The following ESR1 variants were observed in gnomAD, a reference collection of about 807,000 sequenced individuals.
ESR1 encodes the protein estrogen receptor 1.
In ESR1, 12 loss-of-function variants were observed where a neutral mutation model predicts 52.7. That is an observed-to-expected ratio of 0.23 (90% CI 0.15 to 0.37). The LOEUF (loss-of-function observed/expected upper bound fraction) is 0.37, where lower values mean the gene tolerates loss of function less well. ESR1 is among the 10% of genes least tolerant of loss of function. The pLI, the probability that ESR1 is intolerant of heterozygous loss-of-function variation, is 1.00. For missense variants in ESR1, 584 were observed against 779.7 expected (o/e 0.75, Z 2.99); for synonymous variants, 305 against 316.8 (o/e 0.96, Z 0.39).
intron 4 of ESR1, among the ~76,000 whole-genome samples, chr6:152,006,533 G>C (rs1042477435): frequency 6.6e-6 from 1 of 152,022 alleles, no homozygotes; most frequent in Non-Finnish European, 1.5e-5. Flanking sequence ...CAGGAGTCTA[G>C]TTCTTCTGAT....
At chr6:151,865,907 A>C (rs1331868844) in intron 2 of ESR1, among the ~76,000 whole-genome samples, 1 of 152,098 alleles carries the variant, frequency 6.6e-6, no homozygotes. Context: ...GAAGCCAAAC[A>C]CCCTTGAGAA....
chr6:151,743,803 G>A (rs1471989960), intron 2 of ESR1, among the ~76,000 whole-genome samples: 3 of 152,114 alleles, frequency 2.0e-5, no homozygotes, highest in Non-Finnish European at 2.9e-5. Context: ...CATCTAAAAT[G>A]TACAGTCTGG....
intron 1 of ESR1, among the ~76,000 whole-genome samples, chr6:151,835,626 C>T (rs1424708002): frequency 6.6e-6 from 1 of 152,068 alleles, no homozygotes; most frequent in Non-Finnish European, 1.5e-5. Flanking sequence ...CTTGATTTTC[C>T]AGGAGAGATG....
intron 1 of ESR1, among the ~76,000 whole-genome samples, chr6:151,813,773 T>G (rs1409435847): frequency 6.6e-6 from 1 of 152,210 alleles, no homozygotes; most frequent in Non-Finnish European, 1.5e-5. Context: ...TAATGTTCTA[T>G]TTTTTGGAGA....
At chr6:151,809,533 G>A (rs1360492233) in intron 1 of ESR1, among the ~76,000 whole-genome samples, 1 of 152,190 alleles carries the variant, frequency 6.6e-6, no homozygotes, top group Admixed American at 6.5e-5. Context: ...ACTGTACACT[G>A]GTATCCGGAC....
chr6:151,838,302 A>G (rs912719879), intron 1 of ESR1, among the ~76,000 whole-genome samples: 1 of 152,252 alleles, frequency 6.6e-6, no homozygotes, highest in African/African-American at 2.4e-5. Flanking sequence ...TGCCAGGTCT[A>G]TGACAGGTGC....
chr6:151,985,194 G>A (rs1477362153), intron 4 of ESR1, among the ~76,000 whole-genome samples: 1 of 151,954 alleles, frequency 6.6e-6, no homozygotes, highest in Non-Finnish European at 1.5e-5. Flanking sequence ...GACTTCATGG[G>A]ACACCAATCT....
At chr6:151,949,159 T>G (rs2036045997) in intron 4 of ESR1, among the ~76,000 whole-genome samples, 1 of 152,198 alleles carries the variant, frequency 6.6e-6, no homozygotes, top group Non-Finnish European at 1.5e-5. Flanking sequence ...CTCTCTTTTG[T>G]AAGGGACAGA....
intron 2 of ESR1, among the ~76,000 whole-genome samples, chr6:151,705,875 T>A (rs1484654211): frequency 6.6e-6 from 1 of 152,222 alleles, no homozygotes; most frequent in Non-Finnish European, 1.5e-5. Context: ...TTATGGTAGA[T>A]TGAGTCTAAA....
rs2051002796 is a variant in ESR1 at position 152,102,848 on chromosome 6, T to C, written c.*3882T>C. 4.4e-6 allele frequency: 1 copy of C among 226,414 alleles called. No individual in the cohort carries two copies. Among genetic ancestry groups the C allele is most frequent in the Non-Finnish European group, 8.8e-6 (1 of 113,594 alleles). The allele number at this position is 226,414 out of a possible 1,614,324, so 14.0% of individuals were successfully genotyped here. A position where few individuals can be genotyped will look rare whatever the true frequency, so the allele number is the denominator to read the frequency against. ...GTTCCAAACCCATCGTCAGTGTGTG[T>C]GTTTAGAGCTGTGCACCCTAGAAAC... On this transcript the variant is annotated 3_prime_UTR_variant, in exon 8 of 8. Coordinates refer to ENST00000206249, the MANE Select transcript of ESR1 (RefSeq NM_000125.4).
At position 152,115,315 on chromosome 6, in the gene ESR1, A is replaced by G. The variant is rs773126410; in HGVS notation, c.851-9951A>G. 3.9e-5 allele frequency among the ~76,000 whole-genome samples: 6 copies of G among 152,322 alleles called. No homozygotes were observed. In the Middle Eastern group the frequency reaches 0.014, roughly 345 times the overall value. ...AGGTATGCACTATAATTAATTCAAC[A>G]ATCCTCCTGCTGATGAACATCTAGG... On this transcript the variant is annotated intron_variant, in intron 6 of 6. Coordinates refer to the ESR1 transcript ENST00000427531.
intron 2 of ESR1, among the ~76,000 whole-genome samples, chr6:151,875,068 G>A (rs907665578): frequency 2.0e-5 from 3 of 152,158 alleles, no homozygotes; most frequent in African/African-American, 7.2e-5. Context: ...TTTCTTTGGG[G>A]CAATCATGAA....
chr6:151,856,669 C>T (rs1326242853), intron 2 of ESR1, among the ~76,000 whole-genome samples: 5 of 152,136 alleles, frequency 3.3e-5, no homozygotes, highest in Non-Finnish European at 5.9e-5. Context: ...TATTGATGCA[C>T]TTGGTGTAAA....
rs551978416 is a variant in ESR1 at position 151,673,114 on chromosome 6, C to T, written n.73+16351C>T. On this transcript the variant is annotated intron_variant and non_coding_transcript_variant, in intron 1 of 2. Transcript: ENST00000473497. ...GTGCTGGGATTACAGGCATGAGCCACGGCGCCCGGCTTCATGATCAAATTT... is the reference window on the plus strand; with the variant it reads ...GTGCTGGGATTACAGGCATGAGCCATGGCGCCCGGCTTCATGATCAAATTT... Among the ~76,000 whole-genome samples the T allele has an allele frequency of 8.5e-5, 13 of 152,196 alleles. No homozygotes were observed. The South Asian group carries it at 1.5e-3, about 17-fold the overall frequency.
intron 1 of ESR1, among the ~76,000 whole-genome samples, chr6:151,659,256 G>A (rs551320740): frequency 3.3e-5 from 5 of 152,150 alleles, no homozygotes; most frequent in South Asian, 4.2e-4. Context: ...CAGGTGATCC[G>A]CCCACCTCAG....
intron 4 of ESR1, among the ~76,000 whole-genome samples, chr6:152,000,279 A>G (rs2041845618): frequency 6.6e-6 from 1 of 152,044 alleles, no homozygotes; most frequent in African/African-American, 2.4e-5. Context: ...TCTGCTAGGC[A>G]CCAGAAATTG....
downstream of ESR1, among the ~76,000 whole-genome samples, chr6:152,103,847 T>C (rs1290331070): frequency 2.0e-5 from 3 of 152,158 alleles, no homozygotes; most frequent in East Asian, 5.8e-4. Flanking sequence ...TGGAGCTACC[T>C]GCGTGCTTCC....
chr6:151,930,185 G>A lies in ESR1; in HGVS notation c.761-13988G>A, dbSNP rs866430237. Among the ~76,000 whole-genome samples the A allele has an allele frequency of 2.6e-5, 4 of 152,010 alleles. No homozygotes were observed. The South Asian group carries it at 8.3e-4, about 31-fold the overall frequency. ...TTTAGTAGAGACGGAGTTTCTCCAT[G>A]TTGGTCAGGCTGGGGTCTTAAACTC... On this transcript the variant is annotated intron_variant, in intron 3 of 7. Coordinates refer to ENST00000206249, the MANE Select transcript of ESR1 (RefSeq NM_000125.4).
chr6:152,023,955 A>G (rs2043909752), intron 5 of ESR1, among the ~76,000 whole-genome samples: 1 of 152,184 alleles, frequency 6.6e-6, no homozygotes, highest in Non-Finnish European at 1.5e-5. Flanking sequence ...GGGGTCATAG[A>G]AAGAGTTTCC....
Sources: allele counts gnomAD v4.1 joint callset (sites outside exome capture counted in the v4.1 genomes callset), GRCh38; gene constraint gnomAD v4.1.1; transcripts MANE v1.5; gene names NCBI Gene and HGNC (gene_info 2026-07-23, HGNC 2026-07-21).